SDK1: variants seen among roughly 807,000 people sequenced by gnomAD.
The protein encoded by SDK1 is protein sidekick-1.
Under a neutral mutation model 245.5 loss-of-function variants are expected in SDK1, and 157 were observed. The ratio of observed to expected loss-of-function variants is 0.64; its 90% CI spans 0.56 to 0.73. SDK1 has a LOEUF of 0.73. SDK1 is among the 30% of genes least tolerant of loss of function. The pLI is 0.00. For missense variants in SDK1, 3,583 were observed against 3,002.3 expected, an observed-to-expected ratio of 1.19 and a Z score of -4.52; for synonymous variants, 1,647 against 1,278.5, an observed-to-expected ratio of 1.29 and a Z score of -6.15.
chr7:4,080,804 A>G (rs775675080), intron 22 of SDK1, among the ~76,000 whole-genome samples: 2 of 152,160 alleles, frequency 1.3e-5, no homozygotes, highest in African/African-American at 2.4e-5. Context: ...ACATGTATAC[A>G]TATGTAACAA....
intron 2 of SDK1, among the ~76,000 whole-genome samples, chr7:3,638,103 G>C (rs1174467724): frequency 6.6e-6 from 1 of 152,234 alleles, no homozygotes; most frequent in Non-Finnish European, 1.5e-5. Context: ...CATTCAACCA[G>C]TTGTGAGTTA....
intron 1 of SDK1, among the ~76,000 whole-genome samples, chr7:3,504,411 C>G (rs1322036243): frequency 6.6e-6 from 1 of 151,898 alleles, no homozygotes; most frequent in Admixed American, 6.6e-5. Flanking sequence ...CAATTTCAAA[C>G]TTACTTTAAA....
At chr7:3,918,389 C>T (rs1464976696) in intron 5 of SDK1, among the ~76,000 whole-genome samples, 4 of 152,182 alleles carry the variant, frequency 2.6e-5, no homozygotes, top group Non-Finnish European at 5.9e-5. Context: ...GCATTAGATT[C>T]TCGTAATAGC....
At chr7:4,144,749 T>TGC (rs1433491427) in intron 28 of SDK1, among the ~76,000 whole-genome samples, 1 of 151,936 alleles carries the variant, frequency 6.6e-6, no homozygotes, top group Non-Finnish European at 1.5e-5. Context: ...CCACAGAGGG[T>TGC]GAGCCACCAG....
chr7:3,606,963 G>A (rs1168054706), intron 1 of SDK1, among the ~76,000 whole-genome samples: 2 of 152,032 alleles, frequency 1.3e-5, no homozygotes, highest in Non-Finnish European at 2.9e-5. Flanking sequence ...TTTGCAATCA[G>A]GACACTAATA....
chr7:3,709,235 G>A (rs1784967478), intron 4 of SDK1, among the ~76,000 whole-genome samples: 1 of 152,182 alleles, frequency 6.6e-6, no homozygotes, highest in Non-Finnish European at 1.5e-5. Flanking sequence ...TTGGCTGACA[G>A]TTATTCTGTT....
At chr7:3,918,863 C>G (rs1326805965) in intron 5 of SDK1, among the ~76,000 whole-genome samples, 1 of 152,114 alleles carries the variant, frequency 6.6e-6, no homozygotes, top group Non-Finnish European at 1.5e-5. Context: ...CATGGCTTCT[C>G]ACACTCTATT....
intron 22 of SDK1, among the ~76,000 whole-genome samples, chr7:4,083,733 C>CCTTCCTTCTTT (rs1562785176): frequency 0.012 from 106 of 8,538 alleles, 8 homozygotes; most frequent in Non-Finnish European, 0.014. Context: ...TTACTTCCTC[C>CCTTCCTTCTTT]ATCCCTCCCT....
intron 1 of SDK1, among the ~76,000 whole-genome samples, chr7:3,454,931 C>G (rs1021827854): frequency 6.6e-6 from 1 of 152,098 alleles, no homozygotes; most frequent in South Asian, 2.1e-4. Context: ...GTGACTGTAC[C>G]ATTTTACTAT....
chr7:3,943,536 C>T (rs147892536), intron 5 of SDK1, among the ~76,000 whole-genome samples: 1,759 of 150,302 alleles, frequency 0.012, 13 homozygotes, highest in Non-Finnish European at 0.019. Flanking sequence ...TCCCCCACCC[C>T]ACCCCTGCCT....
intron 4 of SDK1, among the ~76,000 whole-genome samples, chr7:3,746,406 C>T (rs901978395): frequency 2.5e-4 from 38 of 152,292 alleles, no homozygotes; most frequent in African/African-American, 9.1e-4. Context: ...AATAAGACAA[C>T]AGTGAAGTTT....
intron 1 of SDK1, among the ~76,000 whole-genome samples, chr7:3,491,265 A>AT (rs1781856136): frequency 6.6e-6 from 1 of 152,204 alleles, no homozygotes; most frequent in East Asian, 1.9e-4. Context: ...GCTGCGTTGT[A>AT]TTGTAATCAC....
intron 35 of SDK1, among the ~76,000 whole-genome samples, chr7:4,204,679 G>T (rs116805259): frequency 3.9e-5 from 6 of 152,092 alleles, no homozygotes; most frequent in African/African-American, 1.2e-4. Flanking sequence ...TCAAAAGGCT[G>T]CACTCCTGGG....
intron 4 of SDK1, among the ~76,000 whole-genome samples, chr7:3,763,676 C>G (rs752184743): frequency 6.6e-6 from 1 of 152,152 alleles, no homozygotes; most frequent in East Asian, 1.9e-4. Flanking sequence ...ATTCCTTTCA[C>G]ATGAGATTCA....
chr7:3,468,007 C>A (rs6954853), intron 1 of SDK1, among the ~76,000 whole-genome samples: 85 of 151,548 alleles, frequency 5.6e-4, no homozygotes, highest in African/African-American at 2.0e-3. Context: ...AAATCGTTTT[C>A]CACTGTAGAC....
chr7:3,462,739 C>T (rs539258670), intron 1 of SDK1, among the ~76,000 whole-genome samples: 28 of 152,242 alleles, frequency 1.8e-4, no homozygotes, highest in African/African-American at 6.7e-4. Flanking sequence ...TCTCTCCCCT[C>T]CTCTCTCTAT....
chr7:4,234,269 T>C (rs1786003111), intron 41 of SDK1, among the ~76,000 whole-genome samples: 1 of 152,202 alleles, frequency 6.6e-6, no homozygotes, highest in Non-Finnish European at 1.5e-5. Context: ...CGTGCACACC[T>C]TCGCTGTGAG....
intron 1 of SDK1, among the ~76,000 whole-genome samples, chr7:3,377,229 CTG>C (rs1272391176): frequency 6.6e-6 from 1 of 152,150 alleles, no homozygotes; most frequent in East Asian, 1.9e-4. Context: ...GGGTTTGTGG[CTG>C]TGTGTCTTCA....
chr7:3,571,198 A>G (rs1360620235), intron 1 of SDK1, among the ~76,000 whole-genome samples: 1 of 152,112 alleles, frequency 6.6e-6, no homozygotes, highest in Non-Finnish European at 1.5e-5. Context: ...CGTAAATTTT[A>G]AAAACTTATC....
Sources: gnomAD v4.1 joint callset for allele counts (sites outside exome capture counted in the v4.1 genomes callset) on GRCh38, gnomAD v4.1.1 for gene constraint, MANE v1.5 for transcripts, NCBI Gene and HGNC (gene_info 2026-07-23, HGNC 2026-07-21) for gene names.